The following FBLN1 variants were observed in gnomAD, a reference collection of about 807,000 sequenced individuals.
FBLN1 encodes the protein fibulin-1.
A neutral mutation model predicts 89.7 loss-of-function variants in FBLN1; 34 were observed. That is an observed-to-expected ratio of 0.38 (90% CI 0.29 to 0.50). The LOEUF (loss-of-function observed/expected upper bound fraction) is 0.50. FBLN1 is among the 20% of genes least tolerant of loss of function. The pLI is 0.92. For missense variants in FBLN1, 777 were observed against 988.1 expected, an observed-to-expected ratio of 0.79 and a Z score of 2.86; for synonymous variants, 393 against 391.3, an observed-to-expected ratio of 1.00 and a Z score of -0.05.
rs1460692256 is a variant in FBLN1 at position 45,525,722 on chromosome 22, G to A, written c.321+44G>A. Reference sequence around the variant, plus strand: ...GTGGGGTCGCTGCCCGTCCCCACTAGTCGGCAGACCCAGGCCCTCCCAGCC... The same window carrying A: ...GTGGGGTCGCTGCCCGTCCCCACTAATCGGCAGACCCAGGCCCTCCCAGCC... On this transcript the variant is annotated intron_variant, in intron 3 of 16. Coordinates refer to ENST00000327858, the MANE Select transcript of FBLN1 (RefSeq NM_006486.3). 4 of 1,550,700 alleles carry A rather than the reference G, an allele frequency of 2.6e-6. No homozygotes were observed. The African/African-American group carries it at 5.5e-5, about 21-fold the overall frequency.
intron 16 of FBLN1, among the ~76,000 whole-genome samples, chr22:45,586,841 G>A (rs1392137214): frequency 6.6e-6 from 1 of 152,124 alleles, no homozygotes; most frequent in Non-Finnish European, 1.5e-5. Flanking sequence ...GGCAGGGTGG[G>A]GTCCTAGTGA....
chr22:45,522,209 A>G (rs138044289), intron 2 of FBLN1, among the ~76,000 whole-genome samples: 4 of 151,960 alleles, frequency 2.6e-5, no homozygotes, highest in African/African-American at 9.7e-5. Flanking sequence ...CTGGTCTCGA[A>G]CTCCTGGCTT....
At chr22:45,570,541 C>T (rs1264227610) in intron 14 of FBLN1, among the ~76,000 whole-genome samples, 1 of 151,498 alleles carries the variant, frequency 6.6e-6, no homozygotes, top group Non-Finnish European at 1.5e-5. Flanking sequence ...TTGAAAAGAA[C>T]AACAAGTTTT....
At chr22:45,517,908 A>G (rs1023524021) in intron 1 of FBLN1, among the ~76,000 whole-genome samples, 5 of 152,164 alleles carry the variant, frequency 3.3e-5, no homozygotes, top group Admixed American at 3.3e-4. Flanking sequence ...TGGCTGGCCA[A>G]TCACGCAAGT....
At chr22:45,524,822 C>T (rs528177044) in intron 2 of FBLN1, among the ~76,000 whole-genome samples, 2 of 152,248 alleles carry the variant, frequency 1.3e-5, no homozygotes, top group African/African-American at 2.4e-5. Context: ...TGGTAGCTCA[C>T]GCCTGTAATC....
chr22:45,542,057 T>C (rs1365304001), intron 9 of FBLN1, 98 bp from the exon 10 acceptor site: 2 of 1,564,858 alleles, frequency 1.3e-6, no homozygotes, highest in Admixed American at 1.7e-5. Flanking sequence ...CCTGTTTCCA[T>C]GTCCATGTGT....
At chr22:45,564,563 A>G (rs1232443735) in intron 14 of FBLN1, among the ~76,000 whole-genome samples, 1 of 152,228 alleles carries the variant, frequency 6.6e-6, no homozygotes, top group African/African-American at 2.4e-5. Flanking sequence ...TGCCTGCCTC[A>G]GAGAGGCCTT....
Position 45,503,017 on chromosome 22 carries a change from C to T in FBLN1, c.32C>T (p.Pro11Leu), listed in dbSNP as rs1017133697. MERAAPSRRV[P>L]LPLLLLGGLA... is the part of the protein sequence containing the mutation. ...CGCGCCGCGCCGTCGCGCCGGGTCC[C>T]GCTTCCGCTGCTGCTGCTCGGCGGC... Residue 11 changes from proline to leucine, a missense_variant, in exon 1 of 17, where the codon CCG becomes CTG. Coordinates refer to ENST00000327858, the MANE Select transcript of FBLN1 (RefSeq NM_006486.3). The T allele has an allele frequency of 1.2e-5, 15 of 1,247,254 alleles. No homozygotes were observed. Among genetic ancestry groups the T allele is most frequent in the Non-Finnish European group, 1.5e-5 (15 of 997,318 alleles). 77.3% of individuals were successfully genotyped at this position (1,247,254 alleles called of 1,614,324 possible).
chr22:45,576,535 G>A lies in FBLN1; in HGVS notation c.1841-442G>A, dbSNP rs1032439405. Reference sequence around the variant, plus strand: ...GGGAGATGGACACACACCCCCCAGAGAACCCAGGCCACCGCTCAGGGTGGC... The same window carrying A: ...GGGAGATGGACACACACCCCCCAGAAAACCCAGGCCACCGCTCAGGGTGGC... On this transcript the variant is annotated intron_variant, in intron 15 of 16. Coordinates refer to ENST00000327858, the MANE Select transcript of FBLN1 (RefSeq NM_006486.3). This position sits in a 1 kb window ranked among gnomAD's most constrained non-coding sequence, Gnocchi z 5.2. Among the ~76,000 whole-genome samples, 3 of 152,066 alleles carry A rather than the reference G, an allele frequency of 2.0e-5. No individual in the cohort carries two copies. The highest frequency in any genetic ancestry group is 4.4e-5 in the Non-Finnish European group (3 of 68,008).
At chr22:45,541,482 C>A in intron 9 of FBLN1, 110 bp downstream of exon 9, 1 of 1,368,806 alleles carries the variant, frequency 7.3e-7, no homozygotes, top group Non-Finnish European at 1.0e-6. Flanking sequence ...CCATTTCTAT[C>A]AGCCCATCCA....
At chr22:45,520,535 C>G (rs2088235941) in intron 2 of FBLN1, among the ~76,000 whole-genome samples, 1 of 152,190 alleles carries the variant, frequency 6.6e-6, no homozygotes, top group Non-Finnish European at 1.5e-5. Flanking sequence ...TCACTGTCTC[C>G]AAATAGAGTC....
chr22:45,570,923 A>AAG (rs1418806437), intron 14 of FBLN1, among the ~76,000 whole-genome samples: 1 of 152,092 alleles, frequency 6.6e-6, no homozygotes, highest in Non-Finnish European at 1.5e-5. Flanking sequence ...TCAGGATTTC[A>AAG]AGACCAGCTT....
intron 1 of FBLN1, 200 bp downstream of exon 1, chr22:45,503,264 G>T (rs1293880600): frequency 9.3e-6 from 3 of 321,880 alleles, no homozygotes; most frequent in Non-Finnish European, 1.1e-5. Flanking sequence ...CCCGGCCTGG[G>T]GACTTGTTTC....
At chr22:45,566,530 C>T (rs1420728877) in intron 14 of FBLN1, among the ~76,000 whole-genome samples, 1 of 152,206 alleles carries the variant, frequency 6.6e-6, no homozygotes, top group Non-Finnish European at 1.5e-5. Flanking sequence ...GTTGAATTTC[C>T]TTCTTGCCAT....
At chr22:45,555,492 C>A (rs2088776972) in intron 14 of FBLN1, among the ~76,000 whole-genome samples, 1 of 151,910 alleles carries the variant, frequency 6.6e-6, no homozygotes. Context: ...GGCTGGGAGG[C>A]TAGGCCAGTC....
Position 45,532,841 on chromosome 22 carries a change from A to G in FBLN1, c.545-222A>G. ...CACCCTGCACACCACCTGATTTTCC[A>G]GACGGGGAGGTTGGGACCTGAAGCA... On this transcript the variant is annotated intron_variant, in intron 5 of 16. Transcript: ENST00000327858. The surrounding 1 kb of genome is among the most constrained non-coding windows in gnomAD (Gnocchi z 4.2). The G allele has an allele frequency of 1.7e-6, 1 of 600,852 alleles. No homozygotes were observed. Among genetic ancestry groups the G allele is most frequent in the East Asian group, 2.8e-5 (1 of 35,764 alleles). 37.2% of individuals were successfully genotyped at this position (600,852 alleles called of 1,614,324 possible).
At position 45,588,813 on chromosome 22, in the gene FBLN1, CAAAA is replaced by C. The variant is rs10714602; in HGVS notation, c.1973-11482_1973-11479del. Among the ~76,000 whole-genome samples, 3 of 138,792 alleles carry C rather than the reference CAAAA, an allele frequency of 2.2e-5. No homozygotes were observed. Among genetic ancestry groups the C allele is most frequent in the Non-Finnish European group, 3.1e-5 (2 of 63,494 alleles). The allele number at this position is 138,792 out of a possible 152,430, so 91.1% of individuals were successfully genotyped here. The stretch of plus-strand genomic sequence containing the variant: ...GTAGAGGCATGTTGTGCAAAATTAG[CAAAA>C]AAAAAAAAAAAGGAATGACGATGAT... On this transcript the variant is annotated intron_variant, in intron 16 of 16. Transcript: ENST00000327858. The surrounding 1 kb of genome is among the most constrained non-coding windows in gnomAD (Gnocchi z 5.1).
rs531215150 is a variant in FBLN1, at chr22:45,547,335, T to C, written c.1441+131T>C. 8.0e-5 allele frequency: 93 copies of C among 1,167,202 alleles called. 1 individual carries two copies. The highest frequency in any genetic ancestry group is 1.1e-4 in the Non-Finnish European group (86 of 816,710). The allele number at this position is 1,167,202 out of a possible 1,614,324, so 72.3% of individuals were successfully genotyped here. On this transcript the variant is annotated intron_variant, in intron 12 of 16. Coordinates refer to ENST00000327858, the MANE Select transcript of FBLN1 (RefSeq NM_006486.3). ...ATTTCTTCACCTGACAAACCTTCCA[T>C]GTCCACCCTTGGAGGCAAGCGGGTG... is the stretch of plus-strand genomic sequence containing the variant.
rs1297521255 is a variant in FBLN1 at position 45,535,237 on chromosome 22, C to T, written c.822C>T (p.Leu274=). 6.2e-7 allele frequency: 1 copy of T among 1,614,030 alleles called. No individual in the cohort carries two copies. Among genetic ancestry groups the T allele is most frequent in the African/African-American group, 1.3e-5 (1 of 74,904 alleles). The change falls in exon 8 of 17, where the codon CTC becomes CTT. Residue 274 remains leucine (L), a synonymous_variant. Coordinates refer to ENST00000327858, the MANE Select transcript of FBLN1 (RefSeq NM_006486.3). Reference sequence around the variant, plus strand: ...GTGAGAGTGGTATTCATAACTGCCTCCCCGATTTTATCTGTCAGAATACTC... The same window carrying T: ...GTGAGAGTGGTATTCATAACTGCCTTCCCGATTTTATCTGTCAGAATACTC... ...DECESGIHNC[L]PDFICQNTLG... is the part of the protein sequence containing the mutation.
Sources: gnomAD v4.1 joint callset for allele counts (sites outside exome capture counted in the v4.1 genomes callset) on GRCh38, gnomAD v4.1.1 for gene constraint, Gnocchi (gnomAD v3.1) non-coding constraint, MANE v1.5 for transcripts, NCBI Gene and HGNC (gene_info 2026-07-23, HGNC 2026-07-21) for gene names.